CCSER1: variants seen among roughly 807,000 people sequenced by gnomAD.
CCSER1 encodes the protein coiled-coil serine rich protein 1.
In CCSER1, 41 loss-of-function variants were observed where a neutral mutation model predicts 82.0. The ratio of observed to expected loss-of-function variants is 0.50; its 90% CI spans 0.39 to 0.65. The LOEUF is 0.65. CCSER1 is among the 30% of genes least tolerant of loss of function. CCSER1 has a pLI of 0.00. For missense variants in CCSER1, 1,119 were observed against 1,064.2 expected (o/e 1.05, Z -0.72); for synonymous variants, 414 against 383.9 (o/e 1.08, Z -0.92).
intron 10 of CCSER1, among the ~76,000 whole-genome samples, chr4:91,440,321 C>T (rs1318922373): frequency 6.6e-6 from 1 of 152,146 alleles, no homozygotes; most frequent in Non-Finnish European, 1.5e-5. Context: ...TCACTCAAAA[C>T]CGCTCAACTA....
chr4:91,250,023 C>T (rs562853240), intron 10 of CCSER1, among the ~76,000 whole-genome samples: 1 of 151,616 alleles, frequency 6.6e-6, no homozygotes, highest in South Asian at 2.1e-4. Flanking sequence ...TTATTCATTT[C>T]CATGATTTCA....
chr4:90,519,899 A>C (rs1772859690), intron 5 of CCSER1, among the ~76,000 whole-genome samples: 1 of 152,050 alleles, frequency 6.6e-6, no homozygotes, highest in Non-Finnish European at 1.5e-5. Context: ...TACACTATTC[A>C]AAAACACGGT....
chr4:90,942,672 A>C (rs1037324206), intron 9 of CCSER1, among the ~76,000 whole-genome samples: 12 of 151,894 alleles, frequency 7.9e-5, no homozygotes, highest in Non-Finnish European at 5.9e-5. Flanking sequence ...TGTTAAAAAA[A>C]AGAAAGAAAC....
chr4:90,159,644 G>C (rs1436491452), intron 1 of CCSER1, among the ~76,000 whole-genome samples: 1 of 152,092 alleles, frequency 6.6e-6, no homozygotes, highest in African/African-American at 2.4e-5. Context: ...TTATCTTGCA[G>C]GTAAATGATT....
chr4:90,344,265 C>A (rs1389539166), intron 3 of CCSER1, among the ~76,000 whole-genome samples: 1 of 152,062 alleles, frequency 6.6e-6, no homozygotes, highest in East Asian at 1.9e-4. Flanking sequence ...GTATGTGTAC[C>A]ACATTCATTT....
At chr4:90,750,839 A>G (rs1193553825) in intron 7 of CCSER1, among the ~76,000 whole-genome samples, 2 of 152,146 alleles carry the variant, frequency 1.3e-5, no homozygotes, top group South Asian at 2.1e-4. Context: ...ATTTTCATTT[A>G]ACTTTTTAAT....
intron 10 of CCSER1, among the ~76,000 whole-genome samples, chr4:91,583,146 C>A (rs1720208823): frequency 6.6e-6 from 1 of 151,188 alleles, no homozygotes; most frequent in Non-Finnish European, 1.5e-5. Flanking sequence ...GAGAATAAAT[C>A]CTTTTTAATG....
chr4:91,446,672 A>T (rs201312455), intron 10 of CCSER1, among the ~76,000 whole-genome samples: 74 of 72,478 alleles, frequency 1.0e-3, no homozygotes, highest in East Asian at 2.5e-3. Context: ...ATTTTAAATA[A>T]ATAAATATAT....
intron 10 of CCSER1, among the ~76,000 whole-genome samples, chr4:91,381,957 T>C (rs1750931974): frequency 6.6e-6 from 1 of 152,214 alleles, no homozygotes; most frequent in Admixed American, 6.5e-5. Flanking sequence ...GTTTTCCTTC[T>C]AACAGTCAGG....
At chr4:90,316,635 G>A (rs1736215319) in intron 3 of CCSER1, among the ~76,000 whole-genome samples, 2 of 152,136 alleles carry the variant, frequency 1.3e-5, no homozygotes, top group Admixed American at 1.3e-4. Flanking sequence ...TTTAATGTTA[G>A]CATTAATGCA....
Position 91,285,145 on chromosome 4 carries a change from G to A in CCSER1, c.2217+199151G>A, listed in dbSNP as rs145098179. Among the ~76,000 whole-genome samples, 281 of 151,174 alleles carry A rather than the reference G, an allele frequency of 1.9e-3. 2 individuals carry two copies. The highest frequency in any genetic ancestry group is 6.2e-3 in the African/African-American group (254 of 41,270). The stretch of plus-strand genomic sequence containing the variant: ...ATTTCTTTTCATAGGTCTCTCTATC[G>A]TCTACATTTCTAATGTACACTAAAG... On this transcript the variant is annotated intron_variant, in intron 10 of 10. Coordinates refer to ENST00000509176, the MANE Select transcript of CCSER1 (RefSeq NM_001145065.2).
intron 10 of CCSER1, among the ~76,000 whole-genome samples, chr4:91,136,367 T>G (rs555524450): frequency 6.6e-6 from 1 of 152,346 alleles, no homozygotes; most frequent in South Asian, 2.1e-4. Flanking sequence ...TATTCTGTGT[T>G]TACCTCTGTT....
At chr4:91,097,148 G>A (rs910921005) in intron 10 of CCSER1, among the ~76,000 whole-genome samples, 19 of 151,948 alleles carry the variant, frequency 1.3e-4, no homozygotes, top group Non-Finnish European at 1.9e-4. Flanking sequence ...CCCAACCATC[G>A]GTATTCTGAA....
chr4:91,474,799 A>ATATATTTGTG (rs1560700614), intron 10 of CCSER1, among the ~76,000 whole-genome samples: 1 of 62,236 alleles, frequency 1.6e-5, no homozygotes, highest in Non-Finnish European at 3.3e-5. Flanking sequence ...ATATATATAT[A>ATATATTTGTG]TATATATATA....
chr4:90,681,874 G>A (rs1733952263), intron 6 of CCSER1, among the ~76,000 whole-genome samples: 1 of 151,778 alleles, frequency 6.6e-6, no homozygotes, highest in African/African-American at 2.4e-5. Context: ...CATTCATATT[G>A]GGTGTTTACC....
chr4:90,189,706 T>A (rs570892532), intron 1 of CCSER1, among the ~76,000 whole-genome samples: 39 of 152,066 alleles, frequency 2.6e-4, no homozygotes, highest in African/African-American at 8.9e-4. Flanking sequence ...ATATACCTAT[T>A]TACTTTTGCA....
chr4:90,898,224 A>G (rs1450787574), intron 8 of CCSER1, among the ~76,000 whole-genome samples: 5 of 138,106 alleles, frequency 3.6e-5, no homozygotes, highest in Non-Finnish European at 7.8e-5. Context: ...ATTTTCTTCT[A>G]GGATTCTTAT....
At chr4:91,284,345 A>G (rs893577403) in intron 10 of CCSER1, among the ~76,000 whole-genome samples, 1 of 152,072 alleles carries the variant, frequency 6.6e-6, no homozygotes, top group Non-Finnish European at 1.5e-5. Flanking sequence ...CATTGTAACA[A>G]TGTTGGTTTT....
chr4:91,348,024 T>G (rs752448024), intron 10 of CCSER1, among the ~76,000 whole-genome samples: 51 of 152,114 alleles, frequency 3.4e-4, no homozygotes, highest in Non-Finnish European at 5.6e-4. Flanking sequence ...TGAGTAGAAG[T>G]GTAAGAACAG....
Sources: allele counts gnomAD v4.1 joint callset (sites outside exome capture counted in the v4.1 genomes callset), GRCh38; gene constraint gnomAD v4.1.1; transcripts MANE v1.5; gene names NCBI Gene and HGNC (gene_info 2026-07-23, HGNC 2026-07-21).